The following SRRM4 variants were observed in gnomAD, a reference collection of about 807,000 sequenced individuals.
SRRM4 encodes the protein serine/arginine repetitive matrix 4, also known as serine/arginine repetitive matrix protein 4.
SRRM4 carries 33 observed loss-of-function variants against 68.9 expected under a neutral mutation model. The observed-to-expected ratio is 0.48, with a 90% CI of 0.36 to 0.64. SRRM4 has a LOEUF of 0.64. Among genes scored for constraint, SRRM4 ranks in the 30% least tolerant of loss-of-function variants. SRRM4 has a pLI of 0.00. For synonymous variants in SRRM4, 318 were observed against 318.8 expected (o/e 1.00, Z 0.03); for missense variants, 817 against 827.1 (o/e 0.99, Z 0.15).
intron 6 of SRRM4, 36 bp from the exon 7 acceptor site, chr12:119,125,345 C>T (rs1469138727): frequency 1.3e-6 from 2 of 1,569,086 alleles, no homozygotes; most frequent in Non-Finnish European, 1.8e-6. Context: ...CTCTCTCTCT[C>T]CTCTCCTCTG....
At chr12:119,097,838 C>T (rs1954054884) in intron 1 of SRRM4, among the ~76,000 whole-genome samples, 1 of 152,200 alleles carries the variant, frequency 6.6e-6, no homozygotes, top group Non-Finnish European at 1.5e-5. Context: ...TCTACTCTCT[C>T]CATTAGACAA....
chr12:119,042,735 G>A (rs1200000621), intron 1 of SRRM4, among the ~76,000 whole-genome samples: 1 of 151,996 alleles, frequency 6.6e-6, no homozygotes, highest in African/African-American at 2.4e-5. Context: ...GATGGAGGCA[G>A]AGAAGAGAAG....
intron 1 of SRRM4, among the ~76,000 whole-genome samples, chr12:118,998,215 G>C (rs1490032727): frequency 7.8e-6 from 1 of 127,460 alleles, no homozygotes. Context: ...ATATTTCTTA[G>C]AGTGCCAGCC....
At chr12:119,149,943 G>C (rs1954428429) in intron 9 of SRRM4, among the ~76,000 whole-genome samples, 1 of 152,180 alleles carries the variant, frequency 6.6e-6, no homozygotes, top group South Asian at 2.1e-4. Context: ...TGGGAGTACA[G>C]AAGACAGCAC....
At chr12:119,109,398 T>C (rs1026798186) in intron 2 of SRRM4, among the ~76,000 whole-genome samples, 7 of 152,240 alleles carry the variant, frequency 4.6e-5, no homozygotes, top group Non-Finnish European at 7.3e-5. Flanking sequence ...TTCTGGATAA[T>C]ATCCTGAAGA....
chr12:119,097,920 C>T lies in SRRM4; in HGVS notation c.132-4316C>T, dbSNP rs76331371. On this transcript the variant is annotated intron_variant, in intron 1 of 12. Transcript: ENST00000267260. ...ATTCAATGCTAAATTCCTCACAGTT[C>T]TCAGCTTTTGCCTATCATGGGATTG... is the stretch of plus-strand genomic sequence containing the variant. 7.3e-3 allele frequency among the ~76,000 whole-genome samples: 1,109 copies of T among 152,342 alleles called. 13 individuals are homozygous for T. The highest frequency in any genetic ancestry group is 0.025 in the African/African-American group (1,036 of 41,576).
chr12:119,155,040 T>C (rs974064810), intron 12 of SRRM4, among the ~76,000 whole-genome samples: 3 of 152,160 alleles, frequency 2.0e-5, no homozygotes, highest in African/African-American at 4.8e-5. Flanking sequence ...CCATGAGATA[T>C]TGGAAGAAAT....
At chr12:119,072,624 G>GATGGAGGTA (rs3076248) in intron 1 of SRRM4, among the ~76,000 whole-genome samples, 86,373 of 151,422 alleles carry the variant, frequency 0.57, 25,590 homozygotes, top group Middle Eastern at 0.75. Context: ...TTTACCCGCA[G>GATGGAGGTA]ATTGAACAGA....
At chr12:119,019,052 G>T (rs1953498367) in intron 1 of SRRM4, among the ~76,000 whole-genome samples, 1 of 152,132 alleles carries the variant, frequency 6.6e-6, no homozygotes, top group Non-Finnish European at 1.5e-5. Flanking sequence ...AGAATGACAG[G>T]TATGGTCCCC....
intron 4 of SRRM4, among the ~76,000 whole-genome samples, chr12:119,117,535 G>A (rs556766849): frequency 6.6e-6 from 1 of 152,214 alleles, no homozygotes; most frequent in Admixed American, 6.5e-5. Flanking sequence ...GGTGCATGGG[G>A]ATGCAGTGAC....
intron 1 of SRRM4, among the ~76,000 whole-genome samples, chr12:119,097,002 A>G (rs11613120): frequency 0.027 from 4,148 of 152,276 alleles, 138 homozygotes; most frequent in East Asian, 0.096. Context: ...TAGCAGGAAC[A>G]GAGCCGCCGG....
chr12:118,983,059 T>C (rs1953260579), intron 1 of SRRM4, among the ~76,000 whole-genome samples: 1 of 152,194 alleles, frequency 6.6e-6, no homozygotes, highest in Non-Finnish European at 1.5e-5. Context: ...TTATTAATCC[T>C]GGCAGTCTGC....
intron 1 of SRRM4, among the ~76,000 whole-genome samples, chr12:119,019,645 G>T (rs1376153535): frequency 6.6e-6 from 1 of 152,090 alleles, no homozygotes; most frequent in Admixed American, 6.5e-5. Flanking sequence ...CCCTTCATAA[G>T]AACTCCCTTC....
At chr12:119,132,404 GT>G (rs1954304044) in intron 8 of SRRM4, 1 of 152,200 alleles carries the variant, frequency 6.6e-6, no homozygotes, top group South Asian at 2.1e-4. Context: ...GTAGAGGAAT[GT>G]TTTTAAGTTA....
Position 119,102,400 on chromosome 12 carries a change from C to T in SRRM4, c.278+18C>T, listed in dbSNP as rs780825848. Reference sequence around the variant, plus strand: ...GGACACAGGTGAGATCCAATGAGGACGTTCAAGTTGAAGATACAGAAATAA... The same window carrying T: ...GGACACAGGTGAGATCCAATGAGGATGTTCAAGTTGAAGATACAGAAATAA... On this transcript the variant is annotated intron_variant, in intron 2 of 12. Transcript: ENST00000267260. 2.5e-5 allele frequency: 39 copies of T among 1,589,472 alleles called. No homozygotes were observed. Among genetic ancestry groups the T allele is most frequent in the South Asian group, 4.5e-5 (4 of 87,960 alleles).
Position 119,159,565 on chromosome 12 carries a change from A to G in SRRM4, c.*2767A>G, listed in dbSNP as rs1260752669. The G allele has an allele frequency of 6.6e-6, 1 of 152,172 alleles. No homozygotes were observed. Among genetic ancestry groups the G allele is most frequent in the South Asian group, 2.1e-4 (1 of 4,826 alleles). 9.4% of individuals were successfully genotyped at this position (152,172 alleles called of 1,614,324 possible). Reference sequence around the variant, plus strand: ...ACTGGAATTGCACTTGGGGTTGACAAGGTGCTCACACCATGAGAATGGAGG... The same window carrying G: ...ACTGGAATTGCACTTGGGGTTGACAGGGTGCTCACACCATGAGAATGGAGG... On this transcript the variant is annotated 3_prime_UTR_variant, in exon 13 of 13. Transcript: ENST00000267260.
intron 2 of SRRM4, among the ~76,000 whole-genome samples, chr12:119,109,185 A>G (rs890768958): frequency 9.5e-4 from 144 of 152,258 alleles, no homozygotes; most frequent in Non-Finnish European, 1.9e-3. Context: ...TTCTGCCGAG[A>G]GATCAGCTGT....
intron 1 of SRRM4, among the ~76,000 whole-genome samples, chr12:119,013,717 A>G (rs2135998460): frequency 6.6e-6 from 1 of 152,280 alleles, no homozygotes; most frequent in East Asian, 1.9e-4. Flanking sequence ...TAGATGTATC[A>G]TTTATTTAAT....
At chr12:119,010,886 G>A (rs995357279) in intron 1 of SRRM4, among the ~76,000 whole-genome samples, 2 of 152,182 alleles carry the variant, frequency 1.3e-5, no homozygotes, top group African/African-American at 2.4e-5. Flanking sequence ...ATTAAACATA[G>A]ATCTCTAAAA....
Sources: gnomAD v4.1 joint callset for allele counts (sites outside exome capture counted in the v4.1 genomes callset) on GRCh38, gnomAD v4.1.1 for gene constraint, MANE v1.5 for transcripts, NCBI Gene and HGNC (gene_info 2026-07-23, HGNC 2026-07-21) for gene names.